COL23A1: variants seen among roughly 807,000 people sequenced by gnomAD.
COL23A1 encodes collagen alpha-1(XXIII) chain.
In COL23A1, 97 loss-of-function variants were observed where a neutral mutation model predicts 99.3. That is an observed-to-expected ratio of 0.98 (90% CI 0.83 to 1.16). The LOEUF (loss-of-function observed/expected upper bound fraction) is 1.16. Ranked by LOEUF, COL23A1 falls within the 50% of genes most tolerant of loss-of-function variation. The pLI is 0.00. For synonymous variants in COL23A1, 320 were observed against 308.2 expected (o/e 1.04, Z -0.40); for missense variants, 762 against 757.4 (o/e 1.01, Z -0.07).
Position 178,308,011 on chromosome 5 carries a change from G to T in COL23A1, c.362-1092C>A, listed in dbSNP as rs1204645999. 6.7e-6 allele frequency among the ~76,000 whole-genome samples: 1 copy of T among 148,762 alleles called. No individual in the cohort carries two copies. Among genetic ancestry groups the T allele is most frequent in the African/African-American group, 2.6e-5 (1 of 38,214 alleles). On this transcript the variant is annotated intron_variant, in intron 2 of 28. Transcript: ENST00000390654. The surrounding 1 kb of genome is among the most constrained non-coding windows in gnomAD (Gnocchi z 5.1). ...GATGGAAAAATGAGTGTGGGTGTCT[G>T]TGTGTGTCTGTTTGCATGTGTCTGT...
chr5:178,462,744 C>T (rs1006750277), intron 2 of COL23A1, among the ~76,000 whole-genome samples: 47 of 152,290 alleles, frequency 3.1e-4, no homozygotes, highest in African/African-American at 1.1e-3. Context: ...CTACAAATTA[C>T]GAGTCAGATC....
intron 21 of COL23A1, 92 bp downstream of exon 21, chr5:178,247,683 T>G (rs1003775626): frequency 6.5e-7 from 1 of 1,548,686 alleles, no homozygotes; most frequent in Middle Eastern, 1.7e-4. Flanking sequence ...AGAAGCCCGC[T>G]CTCTCCTGGG....
chr5:178,257,577 G>T lies in COL23A1; in HGVS notation c.730-10C>A. ...GTGTCCCATCGTCGCCCTGAGGAGA[G>T]GACACCTGGGGCTTGCCGGTCAGAC... is the stretch of plus-strand genomic sequence containing the variant. On this transcript the variant is annotated splice_polypyrimidine_tract_variant and intron_variant, in intron 12 of 28. Coordinates refer to ENST00000390654, the MANE Select transcript of COL23A1 (RefSeq NM_173465.4). 1.3e-6 allele frequency: 2 copies of T among 1,554,676 alleles called. No homozygotes were observed. The highest frequency in any genetic ancestry group is 1.7e-6 in the Non-Finnish European group (2 of 1,149,160).
At chr5:178,248,997 C>T in intron 19 of COL23A1, 120 bp downstream of exon 19, 1 of 950,960 alleles carries the variant, frequency 1.1e-6, no homozygotes, top group Non-Finnish European at 1.7e-6. Context: ...GCCGGCTGGG[C>T]ACTGAGACCG....
At chr5:178,571,317 G>A (rs1407429803) in intron 1 of COL23A1, among the ~76,000 whole-genome samples, 1 of 152,160 alleles carries the variant, frequency 6.6e-6, no homozygotes, top group South Asian at 2.1e-4. Flanking sequence ...AGCCAAGATC[G>A]CACCACTGCA....
chr5:178,577,431 A>C (rs1184177392), intron 1 of COL23A1, among the ~76,000 whole-genome samples: 1 of 152,208 alleles, frequency 6.6e-6, no homozygotes. Context: ...CGCCACGGGA[A>C]GGAGGCACAC....
chr5:178,565,873 G>A (rs2113615411), intron 1 of COL23A1, among the ~76,000 whole-genome samples: 1 of 151,664 alleles, frequency 6.6e-6, no homozygotes, highest in Admixed American at 6.6e-5. Flanking sequence ...AGCACTTTGG[G>A]AGGCCGAGGC....
chr5:178,258,685 G>A, intron 12 of COL23A1, among the ~76,000 whole-genome samples: 1 of 151,818 alleles, frequency 6.6e-6, no homozygotes, highest in South Asian at 2.1e-4. Flanking sequence ...GTCAGCCACC[G>A]CTCTGGGTCT....
At chr5:178,370,802 C>A (rs558359812) in intron 2 of COL23A1, among the ~76,000 whole-genome samples, 9 of 152,146 alleles carry the variant, frequency 5.9e-5, no homozygotes, top group Admixed American at 2.0e-4. Context: ...ATTAGCCCAG[C>A]GTGGTGGTGT....
rs539063069 is a variant in COL23A1, at chr5:178,312,001, G to C, written c.362-5082C>G. 6.6e-5 allele frequency among the ~76,000 whole-genome samples: 10 copies of C among 152,252 alleles called. No homozygotes were observed. The South Asian group carries it at 1.7e-3, about 25-fold the overall frequency. On this transcript the variant is annotated intron_variant, in intron 2 of 28. Coordinates refer to ENST00000390654, the MANE Select transcript of COL23A1 (RefSeq NM_173465.4). ...CTGCCTCGGCCTCCCAAAGTGCTGGGATTACAGGTGTGGGCTACCGCGCCC... is the reference window on the plus strand; with the variant it reads ...CTGCCTCGGCCTCCCAAAGTGCTGGCATTACAGGTGTGGGCTACCGCGCCC...
chr5:178,306,893 C>A lies in COL23A1; in HGVS notation c.388G>T (p.Gly130Trp). ...GACTCACCAGGGTCGCCTCTTCTCC[C>A]AGGCTTGCCGCGCCGTCCAGGGGGC... ...PGPPGRRGKP[G>W]RRGDPGPPGQ... is the part of the protein sequence containing the mutation. The change falls in exon 3 of 29, where the codon GGG becomes TGG. Residue 130 changes from glycine to tryptophan, a missense_variant. By Grantham distance (184) the Gly-to-Trp change is radical (BLOSUM62 -2). Coordinates refer to ENST00000390654, the MANE Select transcript of COL23A1 (RefSeq NM_173465.4). This position sits in a 1 kb window ranked among gnomAD's most constrained non-coding sequence, Gnocchi z 4.1. 3 of 1,549,250 alleles carry A rather than the reference C, an allele frequency of 1.9e-6. No homozygotes were observed. The highest frequency in any genetic ancestry group is 1.4e-5 in the African/African-American group (1 of 71,598).
intron 1 of COL23A1, among the ~76,000 whole-genome samples, chr5:178,576,463 G>C (rs1254037840): frequency 6.6e-6 from 1 of 152,178 alleles, no homozygotes; most frequent in Non-Finnish European, 1.5e-5. Context: ...TCGAACTCCT[G>C]ACCTCGTGAT....
At position 178,310,229 on chromosome 5, in the gene COL23A1, A is replaced by G. The variant is rs989010073; in HGVS notation, c.362-3310T>C. On this transcript the variant is annotated intron_variant, in intron 2 of 28. Coordinates refer to ENST00000390654, the MANE Select transcript of COL23A1 (RefSeq NM_173465.4). This position sits in a 1 kb window ranked among gnomAD's most constrained non-coding sequence, Gnocchi z 4.3. ...CCCACTCCACTGCTTCCACCAACAG[A>G]GAGGCCAGGCGGGCTTGGAGACTGG... Among the ~76,000 whole-genome samples, 3 of 152,076 alleles carry G rather than the reference A, an allele frequency of 2.0e-5. No individual in the cohort carries two copies. Among genetic ancestry groups the G allele is most frequent in the Non-Finnish European group, 4.4e-5 (3 of 68,016 alleles).
In COL23A1 at chr5:178,589,885, C is replaced by T; in HGVS notation, c.294+19G>A. 7.7e-7 allele frequency: 1 copy of T among 1,297,592 alleles called. No individual in the cohort carries two copies. The highest frequency in any genetic ancestry group is 9.7e-7 in the Non-Finnish European group (1 of 1,027,140). 80.4% of individuals were successfully genotyped at this position (1,297,592 alleles called of 1,614,324 possible). A position where few individuals can be genotyped will look rare whatever the true frequency, so the allele number is the denominator to read the frequency against. ...CCGACACACCCAAGTCCGCCCCAGC[C>T]ACGCGCCAAGACGCTCACCTCCCGC... On this transcript the variant is annotated intron_variant, in intron 1 of 28. Coordinates refer to ENST00000390654, the MANE Select transcript of COL23A1 (RefSeq NM_173465.4). The surrounding 1 kb of genome is among the most constrained non-coding windows in gnomAD (Gnocchi z 5.4).
At chr5:178,573,656 A>T (rs1763214888) in intron 1 of COL23A1, among the ~76,000 whole-genome samples, 1 of 152,234 alleles carries the variant, frequency 6.6e-6, no homozygotes, top group Non-Finnish European at 1.5e-5. Flanking sequence ...TATTCACAGC[A>T]GTTTTATTAA....
At chr5:178,397,212 C>T (rs530788168) in intron 2 of COL23A1, among the ~76,000 whole-genome samples, 11 of 152,162 alleles carry the variant, frequency 7.2e-5, no homozygotes, top group Non-Finnish European at 1.3e-4. Context: ...TCCTTCCTGC[C>T]GCCACCAACA....
chr5:178,473,508 T>C (rs1756872180), intron 2 of COL23A1, among the ~76,000 whole-genome samples: 1 of 150,842 alleles, frequency 6.6e-6, no homozygotes, highest in African/African-American at 2.4e-5. Context: ...AAGATGGGGT[T>C]TTGCCATGTT....
In COL23A1 at chr5:178,334,566, T is replaced by C. The variant is rs145356629; in HGVS notation, c.362-27647A>G. 3.2e-4 allele frequency among the ~76,000 whole-genome samples: 48 copies of C among 152,202 alleles called. No individual in the cohort carries two copies. In the East Asian group the frequency reaches 7.7e-3, roughly 24 times the overall value. On this transcript the variant is annotated intron_variant, in intron 2 of 28. Transcript: ENST00000390654. ...ACATGTGAGGGCTTCCCGCTGGGAG[T>C]GTTACCTAGCGGCACCCATGGTTTG...
chr5:178,563,493 AAGCTGCACCCTTG>A lies in COL23A1; in HGVS notation c.295-2758_295-2746del, dbSNP rs575531263. Reference sequence around the variant, plus strand: ...CCAGTTGAATGGGGGGCCCACGCAAAAGCTGCACCCTTGAGCCGGACCTCAGAACTCACTTTTT... The same window carrying A: ...CCAGTTGAATGGGGGGCCCACGCAAAAGCCGGACCTCAGAACTCACTTTTT... On this transcript the variant is annotated intron_variant, in intron 1 of 28. Coordinates refer to ENST00000390654, the MANE Select transcript of COL23A1 (RefSeq NM_173465.4). Among the ~76,000 whole-genome samples the A allele has an allele frequency of 1.8e-4, 27 of 150,764 alleles. No homozygotes were observed. The East Asian group carries it at 5.1e-3, about 28-fold the overall frequency.
Sources: allele counts gnomAD v4.1 joint callset (sites outside exome capture counted in the v4.1 genomes callset), GRCh38; gene constraint gnomAD v4.1.1; non-coding constraint Gnocchi (gnomAD v3.1); transcripts MANE v1.5; gene names NCBI Gene and HGNC (gene_info 2026-07-23, HGNC 2026-07-21).